The following PTPRD variants were observed in gnomAD, a reference collection of about 807,000 sequenced individuals.
The protein encoded by PTPRD is receptor-type tyrosine-protein phosphatase delta.
PTPRD carries 34 observed loss-of-function variants against 214.5 expected under a neutral mutation model. That is an observed-to-expected ratio of 0.16 (90% confidence interval 0.12 to 0.21). PTPRD has a LOEUF of 0.21. Among genes scored for constraint, PTPRD ranks in the 10% least tolerant of loss-of-function variants. The probability of loss-of-function intolerance (pLI) is 1.00; values close to 1 mark genes in which losing one functional copy is unlikely to be tolerated. For missense variants in PTPRD, 2,545 were observed against 2,398.7 expected, an observed-to-expected ratio of 1.06 and a Z score of -1.27; for synonymous variants, 1,128 against 845.7, an observed-to-expected ratio of 1.33 and a Z score of -5.79.
At chr9:10,056,819 T>C (rs2097659695) in intron 3 of PTPRD, among the ~76,000 whole-genome samples, 1 of 152,154 alleles carries the variant, frequency 6.6e-6, no homozygotes, top group African/African-American at 2.4e-5. Flanking sequence ...CTGTATTAAC[T>C]CTTACAGGTC....
intron 29 of PTPRD, 76 bp downstream of exon 29, chr9:8,485,151 G>A (rs540126425): frequency 3.2e-6 from 4 of 1,262,382 alleles, no homozygotes; most frequent in East Asian, 4.7e-5. Context: ...TCTGCTTGCT[G>A]TGCAAATAAC....
intron 12 of PTPRD, among the ~76,000 whole-genome samples, chr9:8,727,209 T>C (rs2098594121): frequency 6.6e-6 from 1 of 152,222 alleles, no homozygotes; most frequent in Non-Finnish European, 1.5e-5. Context: ...CAGGTCACAC[T>C]TTGGAATTGT....
Position 10,597,136 on chromosome 9 carries a change from A to G in PTPRD, c.-600+15262T>C, listed in dbSNP as rs747769406. ...ATTTCACATATATGTATGACCAAGG[A>G]TTGCTGGAGGAAACAAATGCTTTAT... On this transcript the variant is annotated intron_variant, in intron 2 of 45. Coordinates refer to ENST00000381196, the MANE Select transcript of PTPRD (RefSeq NM_002839.4). Among the ~76,000 whole-genome samples the G allele has an allele frequency of 1.3e-4, 20 of 151,430 alleles. 1 individual carries two copies. The highest frequency in any genetic ancestry group is 2.7e-4 in the Non-Finnish European group (18 of 67,668).
intron 3 of PTPRD, among the ~76,000 whole-genome samples, chr9:10,038,630 A>T (rs921008349): frequency 2.0e-5 from 3 of 152,100 alleles, no homozygotes; most frequent in Non-Finnish European, 2.9e-5. Flanking sequence ...TCACACAGCT[A>T]ATAATTATTA....
intron 10 of PTPRD, among the ~76,000 whole-genome samples, chr9:9,148,637 AATC>A (rs1299795363): frequency 2.0e-5 from 3 of 152,180 alleles, no homozygotes; most frequent in Non-Finnish European, 2.9e-5. Context: ...CATAAAAACT[AATC>A]ATTTAAAAAT....
rs1358508061 is a variant in PTPRD, at chr9:8,548,944, G to C, written c.353-20165C>G. 2.0e-5 allele frequency among the ~76,000 whole-genome samples: 3 copies of C among 152,016 alleles called. No homozygotes were observed. In the East Asian group the frequency reaches 5.8e-4, roughly 30 times the overall value. ...GACCTCAGGTGATCCGCCTGCCTCG[G>C]CCTCACAAAGTGATGGGATTACAGA... On this transcript the variant is annotated intron_variant, in intron 14 of 45. Coordinates refer to ENST00000381196, the MANE Select transcript of PTPRD (RefSeq NM_002839.4).
chr9:8,859,680 A>G (rs990826511), intron 11 of PTPRD, among the ~76,000 whole-genome samples: 2 of 152,082 alleles, frequency 1.3e-5, no homozygotes, highest in Non-Finnish European at 2.9e-5. Context: ...CACCATCTGC[A>G]TGCTGTGCTC....
intron 30 of PTPRD, among the ~76,000 whole-genome samples, chr9:8,477,050 T>A (rs2135374437): frequency 6.6e-6 from 1 of 151,928 alleles, no homozygotes; most frequent in Non-Finnish European, 1.5e-5. Flanking sequence ...AGGAGTGAAA[T>A]GGGCAGCTAA....
chr9:9,756,690 G>C (rs1309840617), intron 6 of PTPRD, among the ~76,000 whole-genome samples: 1 of 152,142 alleles, frequency 6.6e-6, no homozygotes, highest in Non-Finnish European at 1.5e-5. Context: ...AACTGCCACT[G>C]CATTGTTCAC....
chr9:8,345,747 G>T (rs889567468), intron 39 of PTPRD, among the ~76,000 whole-genome samples: 2 of 152,084 alleles, frequency 1.3e-5, no homozygotes, highest in Non-Finnish European at 2.9e-5. Context: ...AATCAAAGAT[G>T]AACTCTAAAT....
intron 11 of PTPRD, among the ~76,000 whole-genome samples, chr9:8,795,388 G>A (rs938036248): frequency 2.6e-5 from 4 of 152,050 alleles, no homozygotes; most frequent in East Asian, 1.9e-4. Flanking sequence ...TGCTGATCTC[G>A]AACTCCTGAC....
At chr9:8,821,711 G>A (rs929323205) in intron 11 of PTPRD, among the ~76,000 whole-genome samples, 1 of 152,158 alleles carries the variant, frequency 6.6e-6, no homozygotes, top group African/African-American at 2.4e-5. Flanking sequence ...TGTTGCCCAG[G>A]CTGGATTGCA....
At chr9:8,358,915 G>A (rs2077634730) in intron 39 of PTPRD, among the ~76,000 whole-genome samples, 1 of 151,100 alleles carries the variant, frequency 6.6e-6, no homozygotes, top group Non-Finnish European at 1.5e-5. Flanking sequence ...AGACCATCCT[G>A]GCTAACACGG....
At chr9:10,520,741 T>A (rs144871680) in intron 2 of PTPRD, among the ~76,000 whole-genome samples, 7 of 152,098 alleles carry the variant, frequency 4.6e-5, no homozygotes, top group South Asian at 2.1e-4. Context: ...ATTCCCCATA[T>A]CCTAGGGCCC....
At chr9:10,501,354 TG>T (rs1233253390) in intron 2 of PTPRD, among the ~76,000 whole-genome samples, 1 of 152,088 alleles carries the variant, frequency 6.6e-6, no homozygotes, top group Admixed American at 6.6e-5. Context: ...GACAAAGGTC[TG>T]AATAAACATT....
intron 11 of PTPRD, among the ~76,000 whole-genome samples, chr9:8,897,343 A>C (rs1333827223): frequency 6.6e-6 from 1 of 152,044 alleles, no homozygotes; most frequent in Non-Finnish European, 1.5e-5. Flanking sequence ...GCATGGTCAG[A>C]AGGTATGGAT....
rs577009088 is a variant in PTPRD, at chr9:9,810,342, T to C, written c.-367-43491A>G. ...TGAAAAAGGATGCCATCTAGCACTC[T>C]GATGGCAAAAAAGGAGACGTCAATA... On this transcript the variant is annotated intron_variant, in intron 5 of 45. Coordinates refer to ENST00000381196, the MANE Select transcript of PTPRD (RefSeq NM_002839.4). 1.4e-4 allele frequency among the ~76,000 whole-genome samples: 21 copies of C among 152,186 alleles called. No homozygotes were observed. The South Asian group carries it at 3.9e-3, about 29-fold the overall frequency.
intron 8 of PTPRD, among the ~76,000 whole-genome samples, chr9:9,426,892 A>G (rs2081176168): frequency 1.3e-5 from 2 of 152,162 alleles, no homozygotes; most frequent in Admixed American, 6.5e-5. Flanking sequence ...CATCTACACC[A>G]AAACCCCATC....
intron 3 of PTPRD, among the ~76,000 whole-genome samples, chr9:10,062,047 T>G (rs553123286): frequency 6.6e-6 from 1 of 152,026 alleles, no homozygotes; most frequent in East Asian, 1.9e-4. Context: ...TTGATACTGT[T>G]AAAAGATTGA....
Sources: gnomAD v4.1 joint callset for allele counts (sites outside exome capture counted in the v4.1 genomes callset) on GRCh38, gnomAD v4.1.1 for gene constraint, MANE v1.5 for transcripts, NCBI Gene and HGNC (gene_info 2026-07-23, HGNC 2026-07-21) for gene names.